The following TSC22D2 variants were observed in gnomAD, a reference collection of about 807,000 sequenced individuals.
TSC22D2 encodes the protein TSC22 domain family protein 2.
In TSC22D2, 5 loss-of-function variants were observed where a neutral mutation model predicts 50.1. That is an observed-to-expected ratio of 0.10 (90% CI 0.05 to 0.21). TSC22D2 has a LOEUF of 0.21. Among genes scored for constraint, TSC22D2 ranks in the 10% least tolerant of loss-of-function variants. TSC22D2 has a pLI of 1.00. For missense variants in TSC22D2, 1,003 were observed against 1,015.5 expected (o/e 0.99, Z 0.17); for synonymous variants, 501 against 450.1 (o/e 1.11, Z -1.43).
chr3:150,441,993 A>C (rs1720731290), intron 1 of TSC22D2, among the ~76,000 whole-genome samples: 1 of 152,022 alleles, frequency 6.6e-6, no homozygotes, highest in Non-Finnish European at 1.5e-5. Flanking sequence ...CTGCCTCCTC[A>C]GTGTTTTGCC....
In TSC22D2 at chr3:150,409,933, C is replaced by G. The variant is rs151118479; in HGVS notation, c.583C>G (p.Leu195Val). The G allele has an allele frequency of 6.2e-7, 1 of 1,614,000 alleles. No individual in the cohort carries two copies. The highest frequency in any genetic ancestry group is 2.2e-5 in the East Asian group (1 of 44,876). Residue 195 changes from leucine to valine, a missense_variant, in exon 1 of 3, where the codon CTG becomes GTG. Around this residue, in one of 6 missense-constraint regions of TSC22D2, gnomAD observed 696 missense variants for 647.8 expected, o/e 1.07. Coordinates refer to ENST00000688009, the MANE Select transcript of TSC22D2 (RefSeq NM_001303264.2). The surrounding 1 kb of genome is among the most constrained non-coding windows in gnomAD (Gnocchi z 7.4). ...TGAGAGGGATTCAGACAGCAGCGTC[C>G]TGACTAGATCCGGGGATTGCATTAG... ...YYERDSDSSV[L>V]TRSGDCIRHS...
At chr3:150,428,795 A>G (rs538891275) in intron 1 of TSC22D2, among the ~76,000 whole-genome samples, 204 of 152,242 alleles carry the variant, frequency 1.3e-3, no homozygotes, top group Non-Finnish European at 2.0e-3. Flanking sequence ...TTTATACTCT[A>G]TTTGCATATC....
At chr3:150,435,548 C>T in intron 1 of TSC22D2, among the ~76,000 whole-genome samples, 1 of 152,038 alleles carries the variant, frequency 6.6e-6, no homozygotes, top group East Asian at 1.9e-4. Context: ...ATGTAGTGAA[C>T]TTTTTTGAAC....
chr3:150,440,426 C>T (rs777454298), intron 1 of TSC22D2, among the ~76,000 whole-genome samples: 2 of 150,910 alleles, frequency 1.3e-5, no homozygotes, highest in Non-Finnish European at 1.5e-5. Context: ...AGGTTTAATA[C>T]TTATGAATAT....
Position 150,410,176 on chromosome 3 carries a change from C to T in TSC22D2, c.826C>T (p.Pro276Ser), listed in dbSNP as rs34224709. 6.2e-7 allele frequency: 1 copy of T among 1,604,660 alleles called. No homozygotes were observed. Among genetic ancestry groups the T allele is most frequent in the East Asian group, 2.3e-5 (1 of 44,408 alleles). Residue 276 changes from proline (P) to serine (S), a missense_variant, in exon 1 of 3, where the codon CCG (proline) becomes TCG (serine). Coordinates refer to ENST00000688009, the MANE Select transcript of TSC22D2 (RefSeq NM_001303264.2). ...GAGTTTTAGCGTTGGGCAGCCACAGCCGCCGCCGCCACCCGTAGGTGGGGC... is the reference window on the plus strand; with the variant it reads ...GAGTTTTAGCGTTGGGCAGCCACAGTCGCCGCCGCCACCCGTAGGTGGGGC... ...PQSFSVGQPQPPPPPVGGAVA... is the reference protein window; with the variant it reads ...PQSFSVGQPQSPPPPVGGAVA...
Position 150,458,821 on chromosome 3 carries a change from T to G in TSC22D2, c.*185T>G. 3 of 689,682 alleles carry G rather than the reference T, an allele frequency of 4.3e-6. No homozygotes were observed. In the South Asian group the frequency reaches 6.1e-5, roughly 14 times the overall value. The allele number at this position is 689,682 out of a possible 1,614,324, so 42.7% of individuals were successfully genotyped here. On this transcript the variant is annotated 3_prime_UTR_variant, in exon 3 of 3. Transcript: ENST00000688009. ...CTGAGATGTCATGCAGCGCTGTTGATGTCCAGTTCTATGTCATCAGTACAC... is the reference window on the plus strand; with the variant it reads ...CTGAGATGTCATGCAGCGCTGTTGAGGTCCAGTTCTATGTCATCAGTACAC...
intron 1 of TSC22D2, among the ~76,000 whole-genome samples, chr3:150,413,159 C>A (rs921088549): frequency 1.3e-5 from 2 of 152,144 alleles, no homozygotes; most frequent in East Asian, 1.9e-4. Flanking sequence ...GAAATGTATT[C>A]TTTAGGGTAT....
chr3:150,440,302 G>T (rs1720675489), intron 1 of TSC22D2, among the ~76,000 whole-genome samples: 1 of 151,996 alleles, frequency 6.6e-6, no homozygotes, highest in South Asian at 2.1e-4. Flanking sequence ...AAGTAGCAAT[G>T]GGTCATCCTC....
intron 1 of TSC22D2, among the ~76,000 whole-genome samples, chr3:150,412,570 TC>T (rs1323752190): frequency 6.6e-6 from 1 of 152,234 alleles, no homozygotes. Context: ...AATTCATTCA[TC>T]TTCTCTGCTT....
rs996413126 is a variant in TSC22D2, at chr3:150,458,895, TA to T, written c.*260del. The T allele has an allele frequency of 2.1e-5, 8 of 388,582 alleles. No individual in the cohort carries two copies. The highest frequency in any genetic ancestry group is 1.4e-4 in the African/African-American group (7 of 49,280). 24.1% of individuals were successfully genotyped at this position (388,582 alleles called of 1,614,324 possible). On this transcript the variant is annotated 3_prime_UTR_variant, in exon 3 of 3. Coordinates refer to ENST00000688009, the MANE Select transcript of TSC22D2 (RefSeq NM_001303264.2). ...ATTAAAGCGAGCAAAGTCTGCATTT[TA>T]CCTGGTGCGCATGAGTGGGGTCTTT...
intron 1 of TSC22D2, among the ~76,000 whole-genome samples, chr3:150,425,262 C>T (rs1289293971): frequency 4.6e-5 from 7 of 152,052 alleles, no homozygotes; most frequent in African/African-American, 1.5e-4. Flanking sequence ...CAGTGGCTCC[C>T]GCCTGTAATC....
intron 1 of TSC22D2, among the ~76,000 whole-genome samples, chr3:150,434,288 A>G (rs1458717866): frequency 6.6e-6 from 1 of 151,590 alleles, no homozygotes; most frequent in African/African-American, 2.4e-5. Context: ...GATTACAGGC[A>G]CCACCACCAC....
chr3:150,409,807 C>A lies in TSC22D2; in HGVS notation c.457C>A (p.Gln153Lys). 2 of 1,603,934 alleles carry A rather than the reference C, an allele frequency of 1.2e-6. No homozygotes were observed. Among genetic ancestry groups the A allele is most frequent in the Non-Finnish European group, 1.7e-6 (2 of 1,179,956 alleles). The part of the protein sequence containing the change: ...SAGPVTAAPS[Q>K]PPTTCSSRFR... Reference sequence around the variant, plus strand: ...CGGGCCAGTGACTGCAGCCCCATCTCAGCCTCCCACCACATGTAGTTCCCG... The same window carrying A: ...CGGGCCAGTGACTGCAGCCCCATCTAAGCCTCCCACCACATGTAGTTCCCG... The change falls in exon 1 of 3, where the codon CAG (glutamine) becomes AAG (lysine). Residue 153 changes from glutamine to lysine, a missense_variant. Physicochemically the swap from Gln to Lys is moderately conservative, Grantham distance 53 (BLOSUM62 1). Around this residue, in one of 6 missense-constraint regions of TSC22D2, gnomAD observed 200 missense variants for 182.8 expected, o/e 1.09. Coordinates refer to ENST00000688009, the MANE Select transcript of TSC22D2 (RefSeq NM_001303264.2). This position sits in a 1 kb window ranked among gnomAD's most constrained non-coding sequence, Gnocchi z 7.4.
intron 1 of TSC22D2, among the ~76,000 whole-genome samples, chr3:150,413,061 C>G (rs1719651786): frequency 6.6e-6 from 1 of 152,164 alleles, no homozygotes; most frequent in Non-Finnish European, 1.5e-5. Context: ...ACACCTCTCT[C>G]AGTTTACAGC....
At chr3:150,438,722 A>T (rs1200260789) in intron 1 of TSC22D2, among the ~76,000 whole-genome samples, 1 of 152,002 alleles carries the variant, frequency 6.6e-6, no homozygotes, top group African/African-American at 2.4e-5. Flanking sequence ...TCTTTTCTTT[A>T]AAAAAAATCC....
Position 150,410,793 on chromosome 3 carries a change from G to T in TSC22D2, c.1443G>T (p.Val481=), listed in dbSNP as rs1006164373. ...GPAGAGQPQS[V]PPPQMGGSGP... ...CCGGGGCTGGGCAGCCCCAGTCCGTGCCTCCGCCGCAGATGGGTGGCAGTG... is the reference window on the plus strand; with the variant it reads ...CCGGGGCTGGGCAGCCCCAGTCCGTTCCTCCGCCGCAGATGGGTGGCAGTG... The change falls in exon 1 of 3, where the codon GTG becomes GTT. Residue 481 remains valine, a synonymous_variant. Transcript: ENST00000688009. The T allele has an allele frequency of 1.2e-6, 2 of 1,612,664 alleles. No individual in the cohort carries two copies. Among genetic ancestry groups the T allele is most frequent in the Non-Finnish European group, 1.7e-6 (2 of 1,179,740 alleles).
Position 150,461,959 on chromosome 3 carries a change from A to C in TSC22D2, c.*3323A>C, listed in dbSNP as rs573522979. On this transcript the variant is annotated 3_prime_UTR_variant, in exon 3 of 3. Transcript: ENST00000688009. Reference sequence around the variant, plus strand: ...TCTGGAAACAATTTTTAAGATTTGAAGTCACATTTTTAAAAGAAGCTTTAT... The same window carrying C: ...TCTGGAAACAATTTTTAAGATTTGACGTCACATTTTTAAAAGAAGCTTTAT... 1.3e-5 allele frequency: 2 copies of C among 152,304 alleles called. No individual in the cohort carries two copies. Among genetic ancestry groups the C allele is most frequent in the East Asian group, 3.9e-4 (2 of 5,188 alleles). 9.4% of individuals were successfully genotyped at this position (152,304 alleles called of 1,614,324 possible).
rs776118078 is a variant in TSC22D2, at chr3:150,410,806, A to G, written c.1456A>G (p.Met486Val). ...GQPQSVPPPQ[M>V]GGSGPLSAVP... Reference sequence around the variant, plus strand: ...GCCCCAGTCCGTGCCTCCGCCGCAGATGGGTGGCAGTGGTCCGCTGTCAGC... The same window carrying G: ...GCCCCAGTCCGTGCCTCCGCCGCAGGTGGGTGGCAGTGGTCCGCTGTCAGC... The change falls in exon 1 of 3, where the codon ATG becomes GTG. Residue 486 changes from methionine to valine, a missense_variant. Around this residue, in one of 6 missense-constraint regions of TSC22D2, gnomAD observed 696 missense variants for 647.8 expected, o/e 1.07. Transcript: ENST00000688009. 31 of 1,613,066 alleles carry G rather than the reference A, an allele frequency of 1.9e-5. No homozygotes were observed. The highest frequency in any genetic ancestry group is 1.6e-4 in the Middle Eastern group (1 of 6,084).
Position 150,409,895 on chromosome 3 carries a change from G to A in TSC22D2, c.545G>A (p.Cys182Tyr). Reference sequence around the variant, plus strand: ...CCCTATAGACGCGGCCGATGGACGTGTATGGAATACTATGAGAGGGATTCA... The same window carrying A: ...CCCTATAGACGCGGCCGATGGACGTATATGGAATACTATGAGAGGGATTCA... ...GEPYRRGRWT[C>Y]MEYYERDSDS... Residue 182 changes from cysteine (C) to tyrosine (Y), a missense_variant, in exon 1 of 3, where the codon TGT becomes TAT. By Grantham distance (194) the Cys-to-Tyr change is radical. Transcript: ENST00000688009. The surrounding 1 kb of genome is among the most constrained non-coding windows in gnomAD (Gnocchi z 7.4). The A allele has an allele frequency of 1.2e-6, 2 of 1,613,604 alleles. No homozygotes were observed. Among genetic ancestry groups the A allele is most frequent in the Non-Finnish European group, 1.7e-6 (2 of 1,180,044 alleles).
Sources: allele counts gnomAD v4.1 joint callset (sites outside exome capture counted in the v4.1 genomes callset), GRCh38; gene constraint gnomAD v4.1.1; regional missense constraint gnomAD v4.1.1; non-coding constraint Gnocchi (gnomAD v3.1); transcripts MANE v1.5; gene names NCBI Gene and HGNC (gene_info 2026-07-23, HGNC 2026-07-21).